The following CACNA1E variants were observed in gnomAD, a reference collection of about 807,000 sequenced individuals.
CACNA1E encodes the protein calcium voltage-gated channel subunit alpha1 E.
A neutral mutation model predicts 259.2 loss-of-function variants in CACNA1E; 40 were observed. The ratio of observed to expected loss-of-function variants is 0.15; its 90% CI spans 0.12 to 0.20. CACNA1E has a LOEUF of 0.20. Ranked by LOEUF, CACNA1E falls within the 10% of genes least tolerant of loss-of-function variation. The pLI, the probability that CACNA1E is intolerant of heterozygous loss-of-function variation, is 1.00. For missense variants in CACNA1E, 1,874 were observed against 3,040.1 expected, an observed-to-expected ratio of 0.62 and a Z score of 9.02; for synonymous variants, 1,104 against 1,138.5, an observed-to-expected ratio of 0.97 and a Z score of 0.61.
At chr1:181,358,365 A>C (rs374400136) in intron 1 of CACNA1E, among the ~76,000 whole-genome samples, 1 of 152,096 alleles carries the variant, frequency 6.6e-6, no homozygotes, top group Admixed American at 6.5e-5. Context: ...AAGATCACAC[A>C]CTCAGTTTTG....
chr1:181,586,373 T>A (rs1006303127), intron 6 of CACNA1E, among the ~76,000 whole-genome samples: 1 of 152,080 alleles, frequency 6.6e-6, no homozygotes, highest in African/African-American at 2.4e-5. Context: ...GTTTTCAGTG[T>A]ATAGATGGTA....
chr1:181,733,382 C>A, intron 20 of CACNA1E, 55 bp from the exon 21 acceptor site: 2 of 1,428,438 alleles, frequency 1.4e-6, no homozygotes, highest in Non-Finnish European at 1.9e-6. Context: ...CCAGGCACAC[C>A]TGCCATTTGG....
chr1:181,683,402 G>A (rs1650187760), intron 7 of CACNA1E, among the ~76,000 whole-genome samples: 1 of 152,110 alleles, frequency 6.6e-6, no homozygotes. Context: ...TTATGCTTGG[G>A]TTTAAGAGAC....
intron 19 of CACNA1E, among the ~76,000 whole-genome samples, chr1:181,731,948 G>C (rs1655521213): frequency 6.6e-6 from 1 of 151,940 alleles, no homozygotes; most frequent in Non-Finnish European, 1.5e-5. Context: ...GCTGTAACCT[G>C]AGAGGGAAGG....
chr1:181,598,823 TCTTA>T lies in CACNA1E; in HGVS notation c.951+18051_951+18054del, dbSNP rs749335837. ...AATCTGTCCCTGGACTGCTCTTCTG[TCTTA>T]CTTCACGCCCTTGCCTCCTCCATTG... On this transcript the variant is annotated intron_variant, in intron 6 of 47. Transcript: ENST00000367573. Among the ~76,000 whole-genome samples the T allele has an allele frequency of 5.9e-4, 90 of 152,256 alleles. No individual in the cohort carries two copies. The Middle Eastern group carries it at 0.01, about 17-fold the overall frequency.
chr1:181,566,941 AGGTATCTAGT>A (rs1649894109), intron 3 of CACNA1E, among the ~76,000 whole-genome samples: 1 of 152,066 alleles, frequency 6.6e-6, no homozygotes, highest in African/African-American at 2.4e-5. Context: ...GGGTTGCCAC[AGGTATCTAGT>A]GGTTAGAGGC....
At chr1:181,553,800 A>T (rs1230344361) in intron 3 of CACNA1E, among the ~76,000 whole-genome samples, 1 of 152,178 alleles carries the variant, frequency 6.6e-6, no homozygotes, top group Non-Finnish European at 1.5e-5. Context: ...GTGATGGATT[A>T]TGTTTATTCA....
intron 7 of CACNA1E, among the ~76,000 whole-genome samples, chr1:181,671,160 A>G (rs1337707857): frequency 6.6e-6 from 1 of 152,150 alleles, no homozygotes; most frequent in Non-Finnish European, 1.5e-5. Flanking sequence ...CAACCTTCCC[A>G]GTAGCTGGGA....
intron 7 of CACNA1E, among the ~76,000 whole-genome samples, chr1:181,702,997 T>A (rs1572647148): frequency 1.3e-5 from 2 of 152,300 alleles, no homozygotes; most frequent in South Asian, 4.1e-4. Flanking sequence ...GGGGTCTTAT[T>A]CTCTGGCCCA....
At chr1:181,386,715 G>C (rs1655874935) in intron 1 of CACNA1E, among the ~76,000 whole-genome samples, 2 of 152,202 alleles carry the variant, frequency 1.3e-5, no homozygotes, top group African/African-American at 4.8e-5. Flanking sequence ...ATAATGGACA[G>C]TACAAATCAG....
Position 181,758,548 on chromosome 1 carries a change from C to T in CACNA1E, c.4495-210C>T, listed in dbSNP as rs1449801351. On this transcript the variant is annotated intron_variant, in intron 31 of 47. Coordinates refer to ENST00000367573, the MANE Select transcript of CACNA1E (RefSeq NM_001205293.3). This position sits in a 1 kb window ranked among gnomAD's most constrained non-coding sequence, Gnocchi z 4.2. ...AAGACTGGCTGTTTTGCTATTAAGTCTGGTGGGGCGTGGGTCTGTGTTTTC... is the reference window on the plus strand; with the variant it reads ...AAGACTGGCTGTTTTGCTATTAAGTTTGGTGGGGCGTGGGTCTGTGTTTTC... 6.6e-6 allele frequency among the ~76,000 whole-genome samples: 1 copy of T among 152,160 alleles called. No homozygotes were observed. The highest frequency in any genetic ancestry group is 2.4e-5 in the African/African-American group (1 of 41,448).
intron 1 of CACNA1E, among the ~76,000 whole-genome samples, chr1:181,408,324 C>T (rs1052134527): frequency 1.3e-5 from 2 of 152,092 alleles, no homozygotes; most frequent in Admixed American, 1.3e-4. Context: ...ATGTGACAGA[C>T]TCATCTTTAA....
intron 21 of CACNA1E, among the ~76,000 whole-genome samples, chr1:181,733,971 G>A (rs1427317553): frequency 6.6e-6 from 1 of 152,180 alleles, no homozygotes; most frequent in Non-Finnish European, 1.5e-5. Context: ...GCTTGTTCCT[G>A]TGACCACCCT....
intron 1 of CACNA1E, among the ~76,000 whole-genome samples, chr1:181,391,815 T>C (rs570924958): frequency 6.6e-6 from 1 of 152,228 alleles, no homozygotes; most frequent in Non-Finnish European, 1.5e-5. Context: ...GTAGGTGGAA[T>C]AGAAGGCTGT....
At chr1:181,461,323 C>A (rs981108606) in intron 2 of CACNA1E, among the ~76,000 whole-genome samples, 1 of 151,934 alleles carries the variant, frequency 6.6e-6, no homozygotes, top group Non-Finnish European at 1.5e-5. Context: ...GGGCGGATCA[C>A]GAGGTCAGGA....
rs1662050689 is a variant in CACNA1E at position 181,798,793 on chromosome 1, A to G, written c.6901A>G (p.Asn2301Asp). 3 of 1,552,870 alleles carry G rather than the reference A, an allele frequency of 1.9e-6. No individual in the cohort carries two copies. Among genetic ancestry groups the G allele is most frequent in the African/African-American group, 2.7e-5 (2 of 73,458 alleles). ...GCCAGGCATGATGTGTGGGGCTGTC[A>G]ACAACCTGCTAAGTGACACGGAAGA... The part of the protein sequence containing the change: ...PGPGMMCGAV[N>D]NLLSDTEEDD... The change falls in exon 48 of 48, where the codon AAC becomes GAC. Residue 2301 changes from asparagine (N) to aspartate (D), a missense_variant. Transcript: ENST00000367573. The surrounding 1 kb of genome is among the most constrained non-coding windows in gnomAD (Gnocchi z 4.2).
At chr1:181,527,511 G>A (rs904327847) in intron 3 of CACNA1E, among the ~76,000 whole-genome samples, 1 of 152,162 alleles carries the variant, frequency 6.6e-6, no homozygotes, top group African/African-American at 2.4e-5. Context: ...TCTTGATACA[G>A]GTTTCAAAAT....
At chr1:181,424,129 C>T (rs113364415) in intron 2 of CACNA1E, among the ~76,000 whole-genome samples, 4 of 152,194 alleles carry the variant, frequency 2.6e-5, no homozygotes, top group African/African-American at 9.7e-5. Context: ...AATCATGAGC[C>T]TTCAACACAC....
At chr1:181,362,777 C>T (rs569155622) in intron 1 of CACNA1E, among the ~76,000 whole-genome samples, 45 of 152,238 alleles carry the variant, frequency 3.0e-4, no homozygotes, top group Admixed American at 9.2e-4. Flanking sequence ...GGAAGGGAAA[C>T]GGGGGAACCG....
Sources: gnomAD v4.1 joint callset for allele counts (sites outside exome capture counted in the v4.1 genomes callset) on GRCh38, gnomAD v4.1.1 for gene constraint, Gnocchi (gnomAD v3.1) non-coding constraint, MANE v1.5 for transcripts, NCBI Gene and HGNC (gene_info 2026-07-23, HGNC 2026-07-21) for gene names.